The following DLGAP5 variants were observed in gnomAD, a reference collection of about 807,000 sequenced individuals.
The protein encoded by DLGAP5 is DLG associated protein 5.
Under a neutral mutation model 99.6 loss-of-function variants are expected in DLGAP5, and 90 were observed. That is an observed-to-expected ratio of 0.90 (90% CI 0.76 to 1.08). The LOEUF (loss-of-function observed/expected upper bound fraction) is 1.08. DLGAP5 is among the 50% of genes least tolerant of loss of function. The pLI, the probability that DLGAP5 is intolerant of heterozygous loss-of-function variation, is 0.00. For missense variants in DLGAP5, 1,036 were observed against 983.5 expected (o/e 1.05, Z -0.71); for synonymous variants, 311 against 321.3 (o/e 0.97, Z 0.34).
intron 10 of DLGAP5, 133 bp from the exon 11 acceptor site, chr14:55,170,920 GAATT>G (rs924740127): frequency 1.4e-5 from 9 of 621,280 alleles, no homozygotes; most frequent in Non-Finnish European, 2.3e-5. Context: ...AGTTGATACT[GAATT>G]ATTTATAAAC....
chr14:55,151,979 T>C, intron 16 of DLGAP5, 38 bp from the exon 17 acceptor site: 2 of 1,575,780 alleles, frequency 1.3e-6, no homozygotes, highest in Non-Finnish European at 1.7e-6. Flanking sequence ...ATTATCAATT[T>C]AATTACTTGG....
intron 2 of DLGAP5, among the ~76,000 whole-genome samples, chr14:55,187,192 C>T (rs1018353883): frequency 1.3e-5 from 2 of 152,116 alleles, no homozygotes; most frequent in African/African-American, 2.4e-5. Flanking sequence ...TGAGCCACCG[C>T]ATCTGGCCCC....
At chr14:55,188,183 C>T (rs568238597) in intron 2 of DLGAP5, among the ~76,000 whole-genome samples, 10 of 152,182 alleles carry the variant, frequency 6.6e-5, no homozygotes, top group South Asian at 2.1e-4. Flanking sequence ...TAGCTCCTAA[C>T]GCCTGCTATA....
chr14:55,183,041 A>C (rs996012733), intron 3 of DLGAP5, among the ~76,000 whole-genome samples: 1 of 151,904 alleles, frequency 6.6e-6, no homozygotes, highest in Non-Finnish European at 1.5e-5. Flanking sequence ...CTGCTTTTTC[A>C]ATTTCCTTTA....
At chr14:55,160,851 G>A (rs1473337477) in intron 13 of DLGAP5, among the ~76,000 whole-genome samples, 1 of 152,184 alleles carries the variant, frequency 6.6e-6, no homozygotes, top group African/African-American at 2.4e-5. Flanking sequence ...GAATTGCAAT[G>A]AGTTGGAGAA....
intron 12 of DLGAP5, among the ~76,000 whole-genome samples, chr14:55,166,969 C>G (rs1288684872): frequency 6.6e-6 from 1 of 150,946 alleles, no homozygotes; most frequent in Non-Finnish European, 1.5e-5. Context: ...AAGATAATGA[C>G]TATAGGCCAG....
chr14:55,170,811 G>A, intron 10 of DLGAP5, 24 bp from the exon 11 acceptor site: 2 of 1,583,648 alleles, frequency 1.3e-6, no homozygotes, highest in Admixed American at 1.7e-5. Flanking sequence ...ATACATTTCA[G>A]TTCTACAAGT....
chr14:55,166,156 T>C (rs552225572), intron 12 of DLGAP5, among the ~76,000 whole-genome samples: 1 of 152,194 alleles, frequency 6.6e-6, no homozygotes, highest in African/African-American at 2.4e-5. Context: ...TAAATGACCA[T>C]CAATTGGTGA....
Position 55,151,734 on chromosome 14 carries a change from T to A in DLGAP5, c.2329A>T (p.Ser777Cys). The A allele has an allele frequency of 6.2e-7, 1 of 1,613,898 alleles. No homozygotes were observed. Among genetic ancestry groups the A allele is most frequent in the African/African-American group, 1.3e-5 (1 of 75,046 alleles). ...SPEKNTASQNSILEEGETKIS... is the reference protein window; with the variant it reads ...SPEKNTASQNCILEEGETKIS... ...TTAGTTTCCCCTTCTTCTAAGATGC[T>A]ATTTTGTGAAGCTGTATTTTTTTCA... The change falls in exon 17 of 19, where the codon AGC becomes TGC. Residue 777 changes from serine to cysteine, a missense_variant. Coordinates refer to ENST00000247191, the MANE Select transcript of DLGAP5 (RefSeq NM_014750.5).
chr14:55,174,859 T>A (rs1215943541), intron 10 of DLGAP5, among the ~76,000 whole-genome samples: 1 of 152,012 alleles, frequency 6.6e-6, no homozygotes, highest in Non-Finnish European at 1.5e-5. Flanking sequence ...CCCGGATAAT[T>A]TTTACAGTTT....
chr14:55,179,574 A>C (rs757842007), intron 7 of DLGAP5, 55 bp downstream of exon 7: 303 of 1,448,848 alleles, frequency 2.1e-4, no homozygotes, highest in Non-Finnish European at 2.8e-4. Context: ...AACTTTATGA[A>C]AGTAGCAATG....
At chr14:55,172,499 G>C (rs1030420149) in intron 10 of DLGAP5, among the ~76,000 whole-genome samples, 1 of 151,518 alleles carries the variant, frequency 6.6e-6, no homozygotes, top group African/African-American at 2.4e-5. Context: ...AAATTCTTAC[G>C]CTAGAAACAG....
Position 55,188,981 on chromosome 14 carries a change from A to G in DLGAP5, c.199T>C (p.Ser67Pro). 1.2e-6 allele frequency: 2 copies of G among 1,613,722 alleles called. No individual in the cohort carries two copies. The highest frequency in any genetic ancestry group is 2.7e-5 in the African/African-American group (2 of 74,988). The change falls in exon 2 of 19, where the codon TCT (serine) becomes CCT (proline). Residue 67 changes from serine (S) to proline (P), a missense_variant. By Grantham distance (74) the Ser-to-Pro change is moderately conservative. Coordinates refer to ENST00000247191, the MANE Select transcript of DLGAP5 (RefSeq NM_014750.5). ...GTCTTTTCTGGAACAAGCCCTTGAGATGTCTCATCTAATTCAACAAGAATT... is the reference window on the plus strand; with the variant it reads ...GTCTTTTCTGGAACAAGCCCTTGAGGTGTCTCATCTAATTCAACAAGAATT... ...GRILVELDET[S>P]QGLVPEKTNV...
At position 55,150,978 on chromosome 14, in the gene DLGAP5, T is replaced by A. The variant is rs913779916; in HGVS notation, c.2369-130A>T. 1.1e-5 allele frequency: 6 copies of A among 562,536 alleles called. No individual in the cohort carries two copies. In the East Asian group the frequency reaches 1.1e-4, roughly 11 times the overall value. 34.8% of individuals were successfully genotyped at this position (562,536 alleles called of 1,614,324 possible). The stretch of plus-strand genomic sequence containing the variant: ...GCTAAGACAAAAATATAGACCCCTA[T>A]GCTATAATGTTTTTTGAAAGTAGTT... On this transcript the variant is annotated intron_variant, in intron 17 of 18. Coordinates refer to ENST00000247191, the MANE Select transcript of DLGAP5 (RefSeq NM_014750.5).
At chr14:55,172,372 G>T (rs1882891326) in intron 10 of DLGAP5, among the ~76,000 whole-genome samples, 1 of 150,034 alleles carries the variant, frequency 6.7e-6, no homozygotes, top group Non-Finnish European at 1.5e-5. Context: ...AAAGATAAAT[G>T]AAAATCACCT....
chr14:55,158,190 C>T (rs952576606), intron 14 of DLGAP5, among the ~76,000 whole-genome samples: 2 of 152,142 alleles, frequency 1.3e-5, no homozygotes, highest in African/African-American at 4.8e-5. Flanking sequence ...TTCATGCTTC[C>T]GTCATTTCTC....
At chr14:55,185,310 C>T (rs556727981) in intron 2 of DLGAP5, among the ~76,000 whole-genome samples, 9 of 152,344 alleles carry the variant, frequency 5.9e-5, no homozygotes, top group Admixed American at 5.2e-4. Context: ...AGCGATTCTA[C>T]TGCCTCAGCC....
intron 7 of DLGAP5, among the ~76,000 whole-genome samples, chr14:55,179,327 T>A (rs1202720203): frequency 6.6e-6 from 1 of 152,172 alleles, no homozygotes; most frequent in Non-Finnish European, 1.5e-5. Context: ...GTCAATGCAT[T>A]TCACCCCACT....
Position 55,176,031 on chromosome 14 carries a change from G to C in DLGAP5, c.1050-13C>G. On this transcript the variant is annotated splice_polypyrimidine_tract_variant and intron_variant, in intron 8 of 18. Transcript: ENST00000247191. ...TTGAGACTCATCACTAAAAACAATA[G>C]CAAAAATATACTTCATGAAACATGA... 1 of 1,593,626 alleles carries C rather than the reference G, an allele frequency of 6.3e-7. No individual in the cohort carries two copies. The highest frequency in any genetic ancestry group is 8.6e-7 in the Non-Finnish European group (1 of 1,169,392).
Sources: gnomAD v4.1 joint callset for allele counts (sites outside exome capture counted in the v4.1 genomes callset) on GRCh38, gnomAD v4.1.1 for gene constraint, MANE v1.5 for transcripts, NCBI Gene and HGNC (gene_info 2026-07-23, HGNC 2026-07-21) for gene names.